OSBPL9: variants seen among roughly 807,000 people sequenced by gnomAD.
The protein encoded by OSBPL9 is oxysterol-binding protein-related protein 9.
In OSBPL9, 40 loss-of-function variants were observed where a neutral mutation model predicts 106.6. The ratio of observed to expected loss-of-function variants is 0.38; its 90% CI spans 0.29 to 0.49. OSBPL9 has a LOEUF of 0.49. OSBPL9 is among the 20% of genes least tolerant of loss of function. The pLI is 0.97. For synonymous variants in OSBPL9, 269 were observed against 295.4 expected (o/e 0.91, Z 0.92); for missense variants, 609 against 887.2 (o/e 0.69, Z 3.98).
At chr1:51,725,860 A>G (rs1040414316) in intron 4 of OSBPL9, among the ~76,000 whole-genome samples, 1 of 152,062 alleles carries the variant, frequency 6.6e-6, no homozygotes, top group Non-Finnish European at 1.5e-5. Context: ...TATATCTTTC[A>G]GACTTGTCTG....
the OSBPL9 span, among the ~76,000 whole-genome samples, chr1:51,539,847 C>T: frequency 1.3e-5 from 2 of 152,212 alleles, no homozygotes; most frequent in African/African-American, 4.8e-5. Context: ...TTGATGGCTT[C>T]TCACTACACT....
In OSBPL9 at chr1:51,742,094, G is replaced by A. The variant is rs1402080332; in HGVS notation, c.319-3442G>A. 2.0e-5 allele frequency among the ~76,000 whole-genome samples: 3 copies of A among 152,204 alleles called. No individual in the cohort carries two copies. The East Asian group carries it at 5.8e-4, about 29-fold the overall frequency. On this transcript the variant is annotated intron_variant, in intron 4 of 23. Coordinates refer to ENST00000428468, the MANE Select transcript of OSBPL9 (RefSeq NM_024586.6). ...GATGTTGTGGCATCAACAATTTCCA[G>A]TCACTGTAGCCAGCGCCATGTGTGT... is the stretch of plus-strand genomic sequence containing the variant.
chr1:51,650,073 C>T (rs1430952285), intron 1 of OSBPL9, among the ~76,000 whole-genome samples: 4 of 151,964 alleles, frequency 2.6e-5, no homozygotes, highest in African/African-American at 7.3e-5. Context: ...GATAGAGTTT[C>T]GCCATGTTGC....
chr1:51,566,297 A>G, the OSBPL9 span: 3 of 152,288 alleles, frequency 2.0e-5, no homozygotes, highest in African/African-American at 7.2e-5. Context: ...TCCACAGCTG[A>G]GATCCCACCT....
At position 51,730,140 on chromosome 1, in the gene OSBPL9, T is replaced by TG. The variant is rs551293208; in HGVS notation, c.319-15394dup. The TG allele has an allele frequency of 5.6e-5, 70 of 1,245,666 alleles. 1 individual carries two copies. In the African/African-American group the frequency reaches 1.1e-3, roughly 19 times the overall value. 77.2% of individuals were successfully genotyped at this position (1,245,666 alleles called of 1,614,324 possible). A position where few individuals can be genotyped will look rare whatever the true frequency, so the allele number is the denominator to read the frequency against. On this transcript the variant is annotated intron_variant, in intron 4 of 23. Transcript: ENST00000428468. ...GCCCCCTGGGGTGAGTAGGACGACG[T>TG]GGCTGCCCGGGCCCCTCTTCCTTGG...
chr1:51,684,913 C>CT lies in OSBPL9; in HGVS notation c.241+15417dup, dbSNP rs1215136847. On this transcript the variant is annotated intron_variant, in intron 3 of 23. Transcript: ENST00000428468. ...TAGTTGCCTGAACACTGCTCTTCTT[C>CT]TTTTTTTTTTTTTTTTGCAAGAGAA... Among the ~76,000 whole-genome samples, 1,185 of 122,438 alleles carry CT rather than the reference C, an allele frequency of 9.7e-3. 10 individuals carry two copies. Among genetic ancestry groups the CT allele is most frequent in the East Asian group, 0.034 (140 of 4,160 alleles). 80.3% of individuals were successfully genotyped at this position (122,438 alleles called of 152,430 possible). A position where few individuals can be genotyped will look rare whatever the true frequency, so the allele number is the denominator to read the frequency against.
At chr1:51,661,648 A>G (rs1647161694) in intron 2 of OSBPL9, among the ~76,000 whole-genome samples, 1 of 152,244 alleles carries the variant, frequency 6.6e-6, no homozygotes, top group Admixed American at 6.5e-5. Context: ...AATGGGGGTC[A>G]TAAAAGTGGA....
chr1:51,590,384 G>A (rs1201910293), intron 1 of OSBPL9, among the ~76,000 whole-genome samples: 1 of 151,952 alleles, frequency 6.6e-6, no homozygotes, highest in African/African-American at 2.4e-5. Context: ...ACTTTGGGAG[G>A]CCAAGGCGGG....
intron 4 of OSBPL9, among the ~76,000 whole-genome samples, chr1:51,742,651 C>T (rs1667178045): frequency 6.6e-6 from 1 of 151,888 alleles, no homozygotes; most frequent in Admixed American, 6.6e-5. Context: ...TGGGAGGATT[C>T]CCTGAGCTCA....
chr1:51,560,776 T>C, the OSBPL9 span: 1 of 152,274 alleles, frequency 6.6e-6, no homozygotes, highest in African/African-American at 2.4e-5. Flanking sequence ...AGAGGGAAGC[T>C]GGGTCAGGAC....
chr1:51,772,641 C>G lies in OSBPL9; in HGVS notation c.1088C>G (p.Ala363Gly), dbSNP rs114931375. ...TCACATGATGACAGAGATGATGATG[C>G]GGAGGCAGGGTCTGTGGAGGAGCAC... is the stretch of plus-strand genomic sequence containing the variant. ...FDSHDDRDDDAEAGSVEEHKS... is the reference protein window; with the variant it reads ...FDSHDDRDDDGEAGSVEEHKS... The change falls in exon 14 of 24, where the codon GCG becomes GGG. Residue 363 changes from alanine (A) to glycine (G), a missense_variant. Coordinates refer to ENST00000428468, the MANE Select transcript of OSBPL9 (RefSeq NM_024586.6). 2 of 1,614,030 alleles carry G rather than the reference C, an allele frequency of 1.2e-6. No homozygotes were observed. The highest frequency in any genetic ancestry group is 3.3e-5 in the Admixed American group (2 of 60,010).
chr1:51,698,552 C>T (rs374823284), intron 3 of OSBPL9, among the ~76,000 whole-genome samples: 97 of 152,002 alleles, frequency 6.4e-4, no homozygotes, highest in African/African-American at 2.2e-3. Context: ...TATTGTGGGT[C>T]GCAGTCAAAC....
chr1:51,590,645 G>GA (rs982641348), intron 1 of OSBPL9, among the ~76,000 whole-genome samples: 1 of 145,912 alleles, frequency 6.9e-6, no homozygotes, highest in African/African-American at 2.5e-5. Flanking sequence ...AGAAAAAAAA[G>GA]AAAAAAAAAG....
chr1:51,732,727 C>T (rs1310735670), intron 4 of OSBPL9, among the ~76,000 whole-genome samples: 1 of 152,168 alleles, frequency 6.6e-6, no homozygotes, highest in East Asian at 1.9e-4. Flanking sequence ...ACTGGACTCC[C>T]CTTACCCCAT....
In OSBPL9 at chr1:51,597,514, T is replaced by C. The variant is rs554356051; in HGVS notation, c.-422-610T>C. 3.6e-4 allele frequency among the ~76,000 whole-genome samples: 54 copies of C among 150,348 alleles called. 1 individual carries two copies. The highest frequency in any genetic ancestry group is 1.1e-3 in the African/African-American group (45 of 40,930). ...GTATATATATATATACACACACACATATATATATACACACAATATAATCCC... is the reference window on the plus strand; with the variant it reads ...GTATATATATATATACACACACACACATATATATACACACAATATAATCCC... On this transcript the variant is annotated intron_variant, in intron 1 of 25. Transcript: ENST00000371714.
intron 4 of OSBPL9, among the ~76,000 whole-genome samples, chr1:51,725,287 C>G (rs528236991): frequency 1.3e-5 from 2 of 152,046 alleles, no homozygotes; most frequent in African/African-American, 4.8e-5. Context: ...TTTATTCTTT[C>G]TTAAAATTTC....
Position 51,788,479 on chromosome 1 carries a change from TTTA to T in OSBPL9, c.*695_*697del, listed in dbSNP as rs1678231209. On this transcript the variant is annotated 3_prime_UTR_variant, in exon 24 of 24. Coordinates refer to ENST00000428468, the MANE Select transcript of OSBPL9 (RefSeq NM_024586.6). ...ACCTTTTTTTTAAAAATGTGCATCT[TTTA>T]TTATCTTTTATGGTTAAACTTGGAA... 1 of 152,732 alleles carries T rather than the reference TTTA, an allele frequency of 6.5e-6. No homozygotes were observed. Among genetic ancestry groups the T allele is most frequent in the East Asian group, 1.9e-4 (1 of 5,188 alleles). 9.5% of individuals were successfully genotyped at this position (152,732 alleles called of 1,614,324 possible). A position where few individuals can be genotyped will look rare whatever the true frequency, so the allele number is the denominator to read the frequency against.
chr1:51,674,200 T>A (rs1053263601), intron 3 of OSBPL9, among the ~76,000 whole-genome samples: 2 of 151,808 alleles, frequency 1.3e-5, no homozygotes, highest in Non-Finnish European at 2.9e-5. Flanking sequence ...CTGGAACTAC[T>A]AAAAAAATTA....
At chr1:51,748,879 A>G (rs1446092370) in intron 7 of OSBPL9, among the ~76,000 whole-genome samples, 1 of 152,098 alleles carries the variant, frequency 6.6e-6, no homozygotes, top group Non-Finnish European at 1.5e-5. Context: ...TGAGGTTGGG[A>G]GTTCCAGACC....
Sources: gnomAD v4.1 joint callset for allele counts (sites outside exome capture counted in the v4.1 genomes callset) on GRCh38, gnomAD v4.1.1 for gene constraint, MANE v1.5 for transcripts, NCBI Gene and HGNC (gene_info 2026-07-23, HGNC 2026-07-21) for gene names.